The following RABGEF1 variants were observed in gnomAD, a reference collection of about 807,000 sequenced individuals.
RABGEF1 encodes rab5 GDP/GTP exchange factor.
In RABGEF1, 26 loss-of-function variants were observed where a neutral mutation model predicts 57.3. The observed-to-expected ratio is 0.45, with a 90% CI of 0.33 to 0.63. The LOEUF (loss-of-function observed/expected upper bound fraction) is 0.63. Ranked by LOEUF, RABGEF1 falls within the 20% of genes least tolerant of loss-of-function variation. The pLI is 0.02. For missense variants in RABGEF1, 464 were observed against 607.6 expected (o/e 0.76, Z 2.48); for synonymous variants, 185 against 210.7 (o/e 0.88, Z 1.06).
At chr7:66,717,409 G>C (rs1396574881) in intron 2 of RABGEF1, among the ~76,000 whole-genome samples, 3 of 152,030 alleles carry the variant, frequency 2.0e-5, no homozygotes, top group Non-Finnish European at 2.9e-5. Flanking sequence ...AAAAAATAAA[G>C]CTTATTTTTA....
the RABGEF1 span, among the ~76,000 whole-genome samples, chr7:66,656,814 G>A: frequency 1.0e-4 from 2 of 19,328 alleles, no homozygotes; most frequent in African/African-American, 9.3e-4. Context: ...GAGTGAAACT[G>A]CATCTCAAAA....
At chr7:66,745,990 A>G (rs550565011) in intron 1 of RABGEF1, among the ~76,000 whole-genome samples, 1 of 152,176 alleles carries the variant, frequency 6.6e-6, no homozygotes, top group East Asian at 1.9e-4. Context: ...TACAGGCCAA[A>G]CATCTTGAAA....
At chr7:66,759,311 C>A (rs546574835) in intron 1 of RABGEF1, among the ~76,000 whole-genome samples, 2 of 152,198 alleles carry the variant, frequency 1.3e-5, no homozygotes, top group African/African-American at 2.4e-5. Flanking sequence ...TGAGCAGATT[C>A]TACAGGACAC....
chr7:66,771,001 G>A (rs1806971192), intron 1 of RABGEF1, among the ~76,000 whole-genome samples: 2 of 152,068 alleles, frequency 1.3e-5, no homozygotes, highest in Admixed American at 6.6e-5. Flanking sequence ...TTGTTATTGA[G>A]TTGTAGGAGT....
chr7:66,657,583 G>A, the RABGEF1 span, among the ~76,000 whole-genome samples: 1 of 152,236 alleles, frequency 6.6e-6, no homozygotes, highest in African/African-American at 2.4e-5. Flanking sequence ...TATTTTGGGA[G>A]GCTGAAGCGG....
upstream of RABGEF1, among the ~76,000 whole-genome samples, chr7:66,680,130 TTAAAG>T (rs1258301405): frequency 4.6e-5 from 7 of 152,246 alleles, no homozygotes; most frequent in Admixed American, 2.0e-4. Context: ...GTTAAGATCT[TTAAAG>T]TAAATATTAT....
intron 1 of RABGEF1, among the ~76,000 whole-genome samples, chr7:66,682,990 G>T (rs1237070220): frequency 6.6e-6 from 1 of 152,164 alleles, no homozygotes; most frequent in African/African-American, 2.4e-5. Flanking sequence ...CAATCCTTGT[G>T]GTTGGGAAAT....
At chr7:66,694,088 C>A (rs1321770585) in intron 1 of RABGEF1, among the ~76,000 whole-genome samples, 2 of 152,198 alleles carry the variant, frequency 1.3e-5, no homozygotes, top group African/African-American at 4.8e-5. Context: ...GGATTACAGG[C>A]GTGAGCCACT....
chr7:66,696,135 A>C (rs1792294618), intron 1 of RABGEF1, among the ~76,000 whole-genome samples: 1 of 152,002 alleles, frequency 6.6e-6, no homozygotes, highest in African/African-American at 2.4e-5. Context: ...GCACAATCAT[A>C]GCTCATTGCA....
intron 1 of RABGEF1, among the ~76,000 whole-genome samples, chr7:66,683,839 C>T (rs2117033937): frequency 6.6e-6 from 1 of 152,202 alleles, no homozygotes; most frequent in East Asian, 1.9e-4. Flanking sequence ...TGCCTGGGCT[C>T]AAGTGAACCT....
intron 1 of RABGEF1, among the ~76,000 whole-genome samples, chr7:66,686,375 A>T: frequency 6.6e-6 from 1 of 152,116 alleles, no homozygotes; most frequent in Admixed American, 6.6e-5. Flanking sequence ...CGGAGGCCAA[A>T]GTGGGAGGAT....
At position 66,743,918 on chromosome 7, in the gene RABGEF1, A is replaced by G. The variant is rs542316666; in HGVS notation, c.-18+3126A>G. 2.2e-3 allele frequency among the ~76,000 whole-genome samples: 341 copies of G among 152,286 alleles called. 1 individual carries two copies. Among genetic ancestry groups the G allele is most frequent in the African/African-American group, 8.0e-3 (334 of 41,554 alleles). On this transcript the variant is annotated intron_variant, in intron 1 of 8. Coordinates refer to ENST00000284957, the MANE Select transcript of RABGEF1 (RefSeq NM_014504.3). The stretch of plus-strand genomic sequence containing the variant: ...AGTGTTGGGATTACAAACATGAGCC[A>G]CTGCACCCGGCCCTAAAATGGAATT...
chr7:66,787,466 C>T (rs1811488432), intron 4 of RABGEF1, among the ~76,000 whole-genome samples: 1 of 151,736 alleles, frequency 6.6e-6, no homozygotes, highest in Non-Finnish European at 1.5e-5. Flanking sequence ...GCCCCAGCCT[C>T]CCGCATAGCT....
At chr7:66,735,426 C>A (rs1170279928) in intron 2 of RABGEF1, among the ~76,000 whole-genome samples, 1 of 152,192 alleles carries the variant, frequency 6.6e-6, no homozygotes, top group African/African-American at 2.4e-5. Flanking sequence ...AAGACCTTTG[C>A]CTCTTAATAA....
intron 4 of RABGEF1, among the ~76,000 whole-genome samples, 191 bp from the exon 5 acceptor site, chr7:66,795,320 T>G (rs141398152): frequency 1.2e-3 from 180 of 152,328 alleles, no homozygotes; most frequent in African/African-American, 4.1e-3. Context: ...TAAGGAAAAG[T>G]CCGGCAACAA....
chr7:66,704,836 A>C lies in RABGEF1; in HGVS notation c.-872-7331A>C, dbSNP rs532448805. Among the ~76,000 whole-genome samples, 5 of 152,124 alleles carry C rather than the reference A, an allele frequency of 3.3e-5. No individual in the cohort carries two copies. In the East Asian group the frequency reaches 7.8e-4, roughly 24 times the overall value. The stretch of plus-strand genomic sequence containing the variant: ...AAAAAAAAAAAAAAAAGTTTAAATA[A>C]CCAACGTGTATCTTCAAGTAATATG... On this transcript the variant is annotated intron_variant and NMD_transcript_variant, in intron 1 of 9. Transcript: ENST00000607882.
intron 1 of RABGEF1, among the ~76,000 whole-genome samples, chr7:66,741,483 C>T (rs1798933186): frequency 1.3e-5 from 2 of 152,242 alleles, no homozygotes; most frequent in South Asian, 2.1e-4. Context: ...GGGACTCTGC[C>T]GCTTTGGAGG....
intron 2 of RABGEF1, among the ~76,000 whole-genome samples, chr7:66,727,446 T>G (rs1245562676): frequency 2.0e-5 from 3 of 152,236 alleles, no homozygotes; most frequent in African/African-American, 7.2e-5. Flanking sequence ...ACAAATTGGA[T>G]TCATGACCTT....
the RABGEF1 span, among the ~76,000 whole-genome samples, chr7:66,656,437 A>G: frequency 2.2e-4 from 34 of 152,268 alleles, no homozygotes; most frequent in Admixed American, 1.9e-3. Context: ...TAAAGTGAAA[A>G]AGTGCAGGAC....
Sources: allele counts gnomAD v4.1 joint callset (sites outside exome capture counted in the v4.1 genomes callset), GRCh38; gene constraint gnomAD v4.1.1; transcripts MANE v1.5; gene names NCBI Gene and HGNC (gene_info 2026-07-23, HGNC 2026-07-21).